The following LYST variants were observed in gnomAD, a reference collection of about 807,000 sequenced individuals.
The protein encoded by LYST is lysosomal-trafficking regulator.
In LYST, 192 loss-of-function variants were observed where a neutral mutation model predicts 413.6. That is an observed-to-expected ratio of 0.46 (90% CI 0.41 to 0.52). LYST has a LOEUF of 0.52. LYST is among the 20% of genes least tolerant of loss of function. The probability of loss-of-function intolerance (pLI) is 0.00; values close to 1 mark genes in which losing one functional copy is unlikely to be tolerated. For missense variants in LYST, 3,815 were observed against 4,499.9 expected (o/e 0.85, Z 4.35); for synonymous variants, 1,525 against 1,567.3 (o/e 0.97, Z 0.64).
chr1:235,770,127 A>T, intron 20 of LYST, 33 bp downstream of exon 20: 1 of 1,607,270 alleles, frequency 6.2e-7, no homozygotes, highest in Non-Finnish European at 8.5e-7. Context: ...ACTGTGGAAT[A>T]TATTTCCAAA....
In LYST at chr1:235,724,049, C is replaced by T; in HGVS notation, c.9294G>A (p.Leu3098=). Reference sequence around the variant, plus strand: ...TTACCTTGGTGTTATCAAATGCCAACAGGAGTGTTCTGCCATTTGTTAGAA... The same window carrying T: ...TTACCTTGGTGTTATCAAATGCCAATAGGAGTGTTCTGCCATTTGTTAGAA... The part of the protein sequence containing the change: ...EIFLTNGRTL[L]LAFDNTKVRD... The change falls in exon 39 of 53, where the codon CTG becomes CTA. Residue 3098 remains leucine, a synonymous_variant. Coordinates refer to ENST00000389793, the MANE Select transcript of LYST (RefSeq NM_000081.4). 1 of 1,613,764 alleles carries T rather than the reference C, an allele frequency of 6.2e-7. No homozygotes were observed. Among genetic ancestry groups the T allele is most frequent in the Non-Finnish European group, 8.5e-7 (1 of 1,179,742 alleles).
Position 235,664,342 on chromosome 1 carries a change from C to A in LYST, c.11195+123G>T. 5 of 914,072 alleles carry A rather than the reference C, an allele frequency of 5.5e-6. No individual in the cohort carries two copies. The South Asian group carries it at 7.4e-5, about 14-fold the overall frequency. 56.6% of individuals were successfully genotyped at this position (914,072 alleles called of 1,614,324 possible). On this transcript the variant is annotated intron_variant, in intron 51 of 52. Coordinates refer to ENST00000389793, the MANE Select transcript of LYST (RefSeq NM_000081.4). This position sits in a 1 kb window ranked among gnomAD's most constrained non-coding sequence, Gnocchi z 4.5. The stretch of plus-strand genomic sequence containing the variant: ...ACAGGAATAACTAAAGAACCTACAC[C>A]CCAAGGTGAGTTTAAATCTCTAAAT...
intron 19 of LYST, among the ~76,000 whole-genome samples, chr1:235,772,846 C>T (rs193110145): frequency 1.6e-4 from 24 of 152,288 alleles, no homozygotes; most frequent in African/African-American, 5.5e-4. Context: ...ATGCTCCTGC[C>T]TGACTGCAGT....
intron 1 of LYST, among the ~76,000 whole-genome samples, chr1:235,879,443 G>A (rs2103244485): frequency 6.6e-6 from 1 of 152,318 alleles, no homozygotes; most frequent in Non-Finnish European, 1.5e-5. Flanking sequence ...CTGCTGAGTG[G>A]CACCCCAGGT....
Position 235,820,132 on chromosome 1 carries a change from GGGTT to G in LYST, c.193-7075_193-7072del, listed in dbSNP as rs1309308058. Reference sequence around the variant, plus strand: ...CCTTTTCATAACTATTGTTTAGACTGGGTTTTAAACTAATTGCCTAACCTAGCCA... The same window carrying G: ...CCTTTTCATAACTATTGTTTAGACTGTTAAACTAATTGCCTAACCTAGCCA... On this transcript the variant is annotated intron_variant, in intron 3 of 52. Coordinates refer to ENST00000389793, the MANE Select transcript of LYST (RefSeq NM_000081.4). Among the ~76,000 whole-genome samples the G allele has an allele frequency of 2.0e-5, 3 of 152,192 alleles. No individual in the cohort carries two copies. In the East Asian group the frequency reaches 5.8e-4, roughly 29 times the overall value.
chr1:235,688,279 T>C (rs1461642773), intron 47 of LYST, among the ~76,000 whole-genome samples: 1 of 152,234 alleles, frequency 6.6e-6, no homozygotes, highest in East Asian at 1.9e-4. Context: ...GATTTCATCA[T>C]TCTAAAAATT....
At chr1:235,668,745 T>C (rs186869652) in intron 50 of LYST, among the ~76,000 whole-genome samples, 28 of 152,338 alleles carry the variant, frequency 1.8e-4, no homozygotes, top group Non-Finnish European at 1.5e-5. Flanking sequence ...ACAATCATTA[T>C]ATTATTTCCC....
intron 31 of LYST, chr1:235,739,025 T>C (rs927636631): frequency 1.5e-6 from 1 of 677,794 alleles, no homozygotes; most frequent in African/African-American, 1.8e-5. Context: ...CTGTCTAGGC[T>C]ACAATAGGAT....
intron 3 of LYST, among the ~76,000 whole-genome samples, chr1:235,825,112 T>C (rs1558305249): frequency 1.3e-5 from 2 of 152,128 alleles, no homozygotes; most frequent in African/African-American, 4.8e-5. Context: ...AATCATATGA[T>C]AGTTTCAACA....
chr1:235,716,242 T>A (rs879861381), intron 41 of LYST, among the ~76,000 whole-genome samples: 1 of 152,244 alleles, frequency 6.6e-6, no homozygotes, highest in Non-Finnish European at 1.5e-5. Context: ...TTCATTAATA[T>A]TAATTTCACA....
intron 20 of LYST, among the ~76,000 whole-genome samples, chr1:235,766,804 T>G (rs1402600421): frequency 6.6e-6 from 1 of 152,136 alleles, no homozygotes; most frequent in Non-Finnish European, 1.5e-5. Context: ...GCTACTATCT[T>G]TTCTTCTCCT....
intron 42 of LYST, chr1:235,712,403 G>T: frequency 4.3e-6 from 2 of 462,300 alleles, no homozygotes; most frequent in South Asian, 3.2e-5. Flanking sequence ...TCTGTATTAT[G>T]CTTTTGTAAT....
chr1:235,816,472 A>AT (rs1003894809), intron 3 of LYST, among the ~76,000 whole-genome samples: 4 of 148,632 alleles, frequency 2.7e-5, no homozygotes, highest in African/African-American at 7.3e-5. Flanking sequence ...AATAAAAATA[A>AT]AAAAAAAAAG....
At chr1:235,714,190 T>C (rs572086480) in intron 42 of LYST, among the ~76,000 whole-genome samples, 3 of 152,318 alleles carry the variant, frequency 2.0e-5, no homozygotes, top group South Asian at 2.1e-4. Context: ...GGCTTAAACA[T>C]TGGTTTTAAA....
In LYST at chr1:235,809,886, A is replaced by G; in HGVS notation, c.932T>C (p.Val311Ala). 6.2e-7 allele frequency: 1 copy of G among 1,614,014 alleles called. No homozygotes were observed. Among genetic ancestry groups the G allele is most frequent in the Non-Finnish European group, 8.5e-7 (1 of 1,179,984 alleles). ...CGGTTCTTCGGTCCAACCTGCAGAAACTACTCGACTCTCCAAGTTGTCGCT... is the reference window on the plus strand; with the variant it reads ...CGGTTCTTCGGTCCAACCTGCAGAAGCTACTCGACTCTCCAAGTTGTCGCT... ...SLSDNLESRV[V>A]SAGWTEEPVA... Residue 311 changes from valine to alanine, a missense_variant, in exon 5 of 53, where the codon GTT becomes GCT. This residue lies in a region of LYST where 1,648 missense variants were observed against 1,810.3 expected (regional missense o/e 0.91). Transcript: ENST00000389793. This position sits in a 1 kb window ranked among gnomAD's most constrained non-coding sequence, Gnocchi z 4.0.
At chr1:235,785,262 G>C (rs1311954539) in intron 14 of LYST, among the ~76,000 whole-genome samples, 1 of 151,952 alleles carries the variant, frequency 6.6e-6, no homozygotes, top group Non-Finnish European at 1.5e-5. Context: ...GATATTTTCT[G>C]CCTCAGGGTT....
chr1:235,857,896 T>C (rs755212070), intron 1 of LYST, among the ~76,000 whole-genome samples: 5 of 152,118 alleles, frequency 3.3e-5, no homozygotes, highest in African/African-American at 9.7e-5. Flanking sequence ...AGTATTCTCC[T>C]AGTTTCCCAA....
At chr1:235,670,604 G>A (rs1658858127) in intron 50 of LYST, among the ~76,000 whole-genome samples, 1 of 152,190 alleles carries the variant, frequency 6.6e-6, no homozygotes, top group Admixed American at 6.5e-5. Flanking sequence ...GGAAGGAAAA[G>A]GCCTACAGAT....
chr1:235,810,586 C>G (rs371426157), intron 4 of LYST, 52 bp from the exon 5 acceptor site: 3 of 1,512,456 alleles, frequency 2.0e-6, no homozygotes, highest in East Asian at 2.3e-5. Flanking sequence ...TTTTAAAACT[C>G]AATTTTAAGG....
Sources: gnomAD v4.1 joint callset for allele counts (sites outside exome capture counted in the v4.1 genomes callset) on GRCh38, gnomAD v4.1.1 for gene constraint, gnomAD v4.1.1 regional missense constraint, Gnocchi (gnomAD v3.1) non-coding constraint, MANE v1.5 for transcripts, NCBI Gene and HGNC (gene_info 2026-07-23, HGNC 2026-07-21) for gene names.